SCRN1: variants seen among roughly 807,000 people sequenced by gnomAD.
The protein encoded by SCRN1 is secernin 1.
In SCRN1, 19 loss-of-function variants were observed where a neutral mutation model predicts 43.3. The ratio of observed to expected loss-of-function variants is 0.44; its 90% CI spans 0.31 to 0.64. The LOEUF (loss-of-function observed/expected upper bound fraction) is 0.64. SCRN1 is among the 30% of genes least tolerant of loss of function. SCRN1 has a pLI of 0.09. For missense variants in SCRN1, 447 were observed against 524.1 expected (o/e 0.85, Z 1.44); for synonymous variants, 183 against 188.9 (o/e 0.97, Z 0.26).
intron 3 of SCRN1, among the ~76,000 whole-genome samples, chr7:29,953,743 C>A (rs1034513099): frequency 3.3e-5 from 5 of 152,160 alleles, no homozygotes; most frequent in African/African-American, 1.2e-4. Flanking sequence ...GTGTCCCTCG[C>A]AGACCTCTCC....
intron 1 of SCRN1, among the ~76,000 whole-genome samples, chr7:29,971,501 C>T (rs931433211): frequency 6.6e-6 from 1 of 151,998 alleles, no homozygotes; most frequent in African/African-American, 2.4e-5. Flanking sequence ...GGTGTGGTGA[C>T]ATGCACCTGT....
chr7:29,929,943 G>C (rs1282231709), intron 6 of SCRN1, among the ~76,000 whole-genome samples: 1 of 152,040 alleles, frequency 6.6e-6, no homozygotes, highest in East Asian at 1.9e-4. Flanking sequence ...AATCAATGAG[G>C]GTGTCTGGTG....
At chr7:29,927,014 G>C (rs1027287197) in intron 6 of SCRN1, among the ~76,000 whole-genome samples, 3 of 151,358 alleles carry the variant, frequency 2.0e-5, no homozygotes, top group Non-Finnish European at 4.4e-5. Flanking sequence ...TTAATACCGT[G>C]GTCTGAGAAG....
chr7:29,959,881 A>T, intron 2 of SCRN1, among the ~76,000 whole-genome samples: 1 of 151,638 alleles, frequency 6.6e-6, no homozygotes, highest in South Asian at 2.1e-4. Context: ...TCCATACAAG[A>T]CTGGGGACTC....
In SCRN1 at chr7:29,926,548, A is replaced by C. The variant is rs1312478519; in HGVS notation, c.990T>G (p.Pro330=). Reference sequence around the variant, plus strand: ...CCTGGAACCGAGGCTCCTTTTTGGCAGGGTCGTCATCCCCAAAACAGGGAG... The same window carrying C: ...CCTGGAACCGAGGCTCCTTTTTGGCCGGGTCGTCATCCCCAAAACAGGGAG... ...TQSPCFGDDD[P]AKKEPRFQEK... is the part of the protein sequence containing the mutation. Residue 330 remains proline (P), a synonymous_variant, in exon 7 of 8, where the codon CCT becomes CCG. Coordinates refer to ENST00000242059, the MANE Select transcript of SCRN1 (RefSeq NM_014766.5). 1 of 1,614,104 alleles carries C rather than the reference A, an allele frequency of 6.2e-7. No individual in the cohort carries two copies. Among genetic ancestry groups the C allele is most frequent in the East Asian group, 2.2e-5 (1 of 44,880 alleles).
chr7:29,923,806 G>C lies in SCRN1; in HGVS notation c.*151C>G. On this transcript the variant is annotated 3_prime_UTR_variant, in exon 8 of 8. Transcript: ENST00000242059. ...AGAAGGGGACGCTGTGAGATTCAAG[G>C]TGGAACACAAGGTAACAGTTTGATC... 1.2e-6 allele frequency: 1 copy of C among 813,528 alleles called. No homozygotes were observed. The allele number at this position is 813,528 out of a possible 1,614,324, so 50.4% of individuals were successfully genotyped here. A position where few individuals can be genotyped will look rare whatever the true frequency, so the allele number is the denominator to read the frequency against.
At chr7:29,937,944 T>C (rs547849255) in intron 5 of SCRN1, among the ~76,000 whole-genome samples, 1 of 152,346 alleles carries the variant, frequency 6.6e-6, no homozygotes, top group Admixed American at 6.5e-5. Context: ...AATGTTCAGA[T>C]TTCCTCATTG....
chr7:29,978,696 T>A (rs1788905059), intron 1 of SCRN1, among the ~76,000 whole-genome samples: 1 of 152,192 alleles, frequency 6.6e-6, no homozygotes, highest in African/African-American at 2.4e-5. Flanking sequence ...AAGAGTTGCA[T>A]GAAAGTAATC....
At chr7:29,967,396 T>TTA (rs1554360562) in intron 2 of SCRN1, among the ~76,000 whole-genome samples, 17 of 151,850 alleles carry the variant, frequency 1.1e-4, no homozygotes, top group Non-Finnish European at 1.6e-4. Context: ...GTATACTTTT[T>TTA]TTTTTTTTTT....
intron 2 of SCRN1, among the ~76,000 whole-genome samples, chr7:29,960,643 C>A (rs779314221): frequency 1.3e-5 from 2 of 151,768 alleles, no homozygotes; most frequent in Non-Finnish European, 2.9e-5. Flanking sequence ...CCATTTTTTT[C>A]CTAAATAGAA....
chr7:29,982,701 A>G (rs1789026535), intron 1 of SCRN1, among the ~76,000 whole-genome samples: 1 of 151,484 alleles, frequency 6.6e-6, no homozygotes, highest in Non-Finnish European at 1.5e-5. Context: ...AAAAAAAAAA[A>G]AAAAGAATGG....
chr7:29,942,152 T>C (rs1787577954), intron 4 of SCRN1, among the ~76,000 whole-genome samples: 1 of 152,254 alleles, frequency 6.6e-6, no homozygotes, highest in Admixed American at 6.5e-5. Context: ...ACAAGTGATT[T>C]TGACATCATT....
In SCRN1 at chr7:29,969,077, A is replaced by G; in HGVS notation, c.-1-9T>C. On this transcript the variant is annotated splice_polypyrimidine_tract_variant and intron_variant, in intron 1 of 7. Transcript: ENST00000242059. ...GAGGAGCTGCAGCCATCCTGAAAAG[A>G]GAATGCCAGCAAGAGTGGAAGCAGG... 1 of 1,610,568 alleles carries G rather than the reference A, an allele frequency of 6.2e-7. No homozygotes were observed. Among genetic ancestry groups the G allele is most frequent in the Non-Finnish European group, 8.5e-7 (1 of 1,178,178 alleles).
intron 1 of SCRN1, among the ~76,000 whole-genome samples, chr7:29,975,552 C>A (rs1285651277): frequency 6.6e-6 from 1 of 152,180 alleles, no homozygotes; most frequent in Non-Finnish European, 1.5e-5. Flanking sequence ...AGCATGTATG[C>A]ATCTCATACA....
At chr7:29,924,190 G>A (rs1786866047) in intron 7 of SCRN1, 75 bp from the exon 8 acceptor site, 2 of 1,478,526 alleles carry the variant, frequency 1.4e-6, no homozygotes, top group East Asian at 4.6e-5. Flanking sequence ...AAACCCTCTA[G>A]GGGGCCAGCT....
chr7:29,989,633 G>T lies in SCRN1; in HGVS notation c.-2+9C>A. The T allele has an allele frequency of 1.0e-6, 1 of 985,688 alleles. No individual in the cohort carries two copies. The highest frequency in any genetic ancestry group is 1.2e-6 in the Non-Finnish European group (1 of 830,134). The allele number at this position is 985,688 out of a possible 1,614,324, so 61.1% of individuals were successfully genotyped here. ...CTGCAAACGCCCTGCGCTCCCAGAC[G>T]CGGCTCACCTGGGGCGGCGGGCTCC... On this transcript the variant is annotated intron_variant, in intron 1 of 7. Coordinates refer to ENST00000242059, the MANE Select transcript of SCRN1 (RefSeq NM_014766.5).
intron 5 of SCRN1, among the ~76,000 whole-genome samples, chr7:29,938,297 G>T (rs1481002520): frequency 6.6e-6 from 1 of 152,232 alleles, no homozygotes; most frequent in Non-Finnish European, 1.5e-5. Flanking sequence ...CTCCCAAAGT[G>T]CTGGGAGTGC....
rs763832784 is a variant in SCRN1 at position 29,924,032 on chromosome 7, G to A, written c.1170C>T (p.Ser390=). The change falls in exon 8 of 8, where the codon TCC becomes TCT. Residue 390 remains serine, a synonymous_variant. Coordinates refer to ENST00000242059, the MANE Select transcript of SCRN1 (RefSeq NM_014766.5). The part of the protein sequence containing the change: ...LEAMEEILTS[S]EPLDPAEVGD... Reference sequence around the variant, plus strand: ...CCACTTCCGCAGGGTCCAGTGGCTCGGAGCTGGTCAGGATTTCTTCCATGG... The same window carrying A: ...CCACTTCCGCAGGGTCCAGTGGCTCAGAGCTGGTCAGGATTTCTTCCATGG... The A allele has an allele frequency of 9.3e-6, 15 of 1,613,992 alleles. No individual in the cohort carries two copies. Among genetic ancestry groups the A allele is most frequent in the South Asian group, 5.5e-5 (5 of 91,082 alleles).
intron 7 of SCRN1, among the ~76,000 whole-genome samples, chr7:29,926,176 C>A (rs889128914): frequency 1.3e-5 from 2 of 152,184 alleles, no homozygotes; most frequent in Non-Finnish European, 2.9e-5. Flanking sequence ...ATTATTCCTA[C>A]GTAAACAGTA....
Sources: allele counts gnomAD v4.1 joint callset (sites outside exome capture counted in the v4.1 genomes callset), GRCh38; gene constraint gnomAD v4.1.1; transcripts MANE v1.5; gene names NCBI Gene and HGNC (gene_info 2026-07-23, HGNC 2026-07-21).